The following DGLUCY variants were observed in gnomAD, a reference collection of about 807,000 sequenced individuals.
The protein encoded by DGLUCY is D-glutamate cyclase, mitochondrial.
In DGLUCY, 58 loss-of-function variants were observed where a neutral mutation model predicts 58.5. The ratio of observed to expected loss-of-function variants is 0.99; its 90% CI spans 0.80 to 1.23. The LOEUF (loss-of-function observed/expected upper bound fraction) is 1.23, where lower values mean the gene tolerates loss of function less well. Among genes scored for constraint, DGLUCY ranks in the 50% most tolerant of loss-of-function variants. DGLUCY has a pLI of 0.00. For synonymous variants in DGLUCY, 325 were observed against 314.1 expected, an observed-to-expected ratio of 1.03 and a Z score of -0.37; for missense variants, 779 against 784.7, an observed-to-expected ratio of 0.99 and a Z score of 0.09.
chr14:91,079,997 T>C (rs2044097254), intron 1 of DGLUCY, among the ~76,000 whole-genome samples: 1 of 152,212 alleles, frequency 6.6e-6, no homozygotes, highest in Admixed American at 6.5e-5. Flanking sequence ...GTATTCCACT[T>C]TCTGTCCTTA....
At chr14:91,078,225 C>T (rs1251293228) in intron 1 of DGLUCY, among the ~76,000 whole-genome samples, 2 of 152,092 alleles carry the variant, frequency 1.3e-5, no homozygotes, top group Admixed American at 6.6e-5. Flanking sequence ...GACGGGGTTT[C>T]GCCATGTTGG....
At chr14:91,171,599 C>T (rs922625842) in intron 5 of DGLUCY, among the ~76,000 whole-genome samples, 3 of 152,182 alleles carry the variant, frequency 2.0e-5, no homozygotes, top group Admixed American at 6.5e-5. Flanking sequence ...CTGCTGGCAG[C>T]CACACCGAGG....
intron 1 of DGLUCY, among the ~76,000 whole-genome samples, chr14:91,152,241 A>G (rs988479472): frequency 6.6e-6 from 1 of 152,076 alleles, no homozygotes; most frequent in African/African-American, 2.4e-5. Flanking sequence ...AAAATAACAG[A>G]AATTAGCTGG....
intron 1 of DGLUCY, among the ~76,000 whole-genome samples, chr14:91,076,847 A>G (rs1297587223): frequency 3.9e-5 from 6 of 152,200 alleles, no homozygotes; most frequent in African/African-American, 1.4e-4. Flanking sequence ...GGGCTAGACC[A>G]CGGTGTCCTG....
At position 91,167,257 on chromosome 14, in the gene DGLUCY, A is replaced by G; in HGVS notation, c.136A>G (p.Arg46Gly). The G allele has an allele frequency of 1.2e-6, 2 of 1,611,160 alleles. No homozygotes were observed. The stretch of plus-strand genomic sequence containing the variant: ...ACCAGCCAGCCTGGTGGTCCTGCCC[A>G]GGTCCCTTGCTCCAGCTTTTGAAAG... Reference protein sequence around the residue: ...LRPASLVVLPRSLAPAFERFC... With the variant: ...LRPASLVVLPGSLAPAFERFC... Residue 46 changes from arginine to glycine, a missense_variant, in exon 4 of 14, where the codon AGG becomes GGG. Coordinates refer to ENST00000256324, the MANE Select transcript of DGLUCY (RefSeq NM_001102368.3).
chr14:91,145,149 C>T (rs987115986), intron 1 of DGLUCY: 1 of 152,180 alleles, frequency 6.6e-6, no homozygotes, highest in South Asian at 2.1e-4. Context: ...TGTGTGCTGA[C>T]ACTAGGCTGG....
Position 91,176,032 on chromosome 14 carries a change from AGTCTCGGAGCT to A in DGLUCY, c.710_720del (p.Leu237GlnfsTer4). 21 of 1,614,002 alleles carry A rather than the reference AGTCTCGGAGCT, an allele frequency of 1.3e-5. No homozygotes were observed. Among genetic ancestry groups the A allele is most frequent in the Non-Finnish European group, 1.7e-5 (20 of 1,179,918 alleles). ...AGTGTTCTGGCCTTCTCCGCTGACC[AGTCTCGGAGCT>A]GTCAGCAGCTGTGGTACGTTGGGGG... On this transcript the variant is annotated frameshift_variant, in exon 7 of 14. Transcript: ENST00000256324. LOFTEE classifies it high-confidence loss of function.
intron 1 of DGLUCY, among the ~76,000 whole-genome samples, chr14:91,080,473 C>T (rs575080393): frequency 3.3e-5 from 5 of 152,258 alleles, no homozygotes; most frequent in South Asian, 4.1e-4. Flanking sequence ...CAGGTTCAAG[C>T]GATTCTCCTG....
At chr14:91,160,440 AAG>A (rs1312603711) in intron 3 of DGLUCY, 43 bp downstream of exon 3, 74 of 1,208,964 alleles carry the variant, frequency 6.1e-5, no homozygotes, top group Non-Finnish European at 8.0e-5. Context: ...AAAAAAAAAA[AAG>A]AAAGTTCCTG....
chr14:91,155,657 G>C (rs1430560402), intron 1 of DGLUCY, among the ~76,000 whole-genome samples: 1 of 152,086 alleles, frequency 6.6e-6, no homozygotes. Context: ...TTAGATGGGC[G>C]TGGTGGTGCT....
intron 1 of DGLUCY, among the ~76,000 whole-genome samples, chr14:91,118,419 C>T (rs1042950112): frequency 6.6e-6 from 1 of 151,988 alleles, no homozygotes; most frequent in Non-Finnish European, 1.5e-5. Flanking sequence ...CTCTTCATAA[C>T]TCTCTTCAAG....
chr14:91,144,363 C>T (rs756073748), intron 1 of DGLUCY, among the ~76,000 whole-genome samples: 3 of 152,092 alleles, frequency 2.0e-5, no homozygotes, highest in East Asian at 1.9e-4. Context: ...AGTTTGAGAC[C>T]GGCCTGACCA....
chr14:91,113,820 G>C (rs1311365759), upstream of DGLUCY, among the ~76,000 whole-genome samples: 1 of 152,238 alleles, frequency 6.6e-6, no homozygotes, highest in Non-Finnish European at 1.5e-5. Flanking sequence ...GGAATCACTT[G>C]AGGGATTTCA....
At chr14:91,163,238 C>T (rs370304387) in intron 3 of DGLUCY, among the ~76,000 whole-genome samples, 4 of 151,652 alleles carry the variant, frequency 2.6e-5, no homozygotes, top group African/African-American at 4.8e-5. Context: ...CCAGCCTGGG[C>T]GACAGAGTGA....
intron 13 of DGLUCY, chr14:91,216,029 G>A (rs1035484556): frequency 7.7e-5 from 22 of 283,944 alleles, no homozygotes; most frequent in African/African-American, 4.8e-4. Context: ...CAGACAAGGT[G>A]AGAAGAGAAT....
At chr14:91,212,169 C>G in intron 12 of DGLUCY, among the ~76,000 whole-genome samples, 1 of 152,164 alleles carries the variant, frequency 6.6e-6, no homozygotes, top group East Asian at 1.9e-4. Flanking sequence ...ATAAGCTGGA[C>G]TTCACTAAAG....
chr14:91,211,800 TTTGATTGA>T, intron 12 of DGLUCY, among the ~76,000 whole-genome samples: 1 of 151,788 alleles, frequency 6.6e-6, no homozygotes. Context: ...TTTATTTTAA[TTTGATTGA>T]TTGATTGATT....
intron 1 of DGLUCY, among the ~76,000 whole-genome samples, chr14:91,157,103 A>ATGGATGGATGGG (rs2047669311): frequency 1.5e-5 from 2 of 130,590 alleles, no homozygotes; most frequent in African/African-American, 6.7e-5. Flanking sequence ...GAATGGGTGG[A>ATGGATGGATGGG]TGGATGGATG....
intron 1 of DGLUCY, among the ~76,000 whole-genome samples, chr14:91,067,122 T>C (rs1320085563): frequency 7.2e-6 from 1 of 138,764 alleles, no homozygotes; most frequent in Admixed American, 7.2e-5. Context: ...TCATGTTGAG[T>C]AGATTGAGGA....
Sources: gnomAD v4.1 joint callset for allele counts (sites outside exome capture counted in the v4.1 genomes callset) on GRCh38, gnomAD v4.1.1 for gene constraint, MANE v1.5 for transcripts, NCBI Gene and HGNC (gene_info 2026-07-23, HGNC 2026-07-21) for gene names.